Variants in PRDM12 observed in about 807,000 individuals in gnomAD.
PRDM12 encodes the protein PR/SET domain 12.
Under a neutral mutation model 29.6 loss-of-function variants are expected in PRDM12, and 17 were observed. The observed-to-expected ratio is 0.57, with a 90% CI of 0.39 to 0.86. The LOEUF is 0.86. Among genes scored for constraint, PRDM12 ranks in the 40% least tolerant of loss-of-function variants. PRDM12 has a pLI of 0.00. For synonymous variants in PRDM12, 231 were observed against 225.8 expected, an observed-to-expected ratio of 1.02 and a Z score of -0.21; for missense variants, 422 against 510.8, an observed-to-expected ratio of 0.83 and a Z score of 1.68.
At position 130,664,713 on chromosome 9, in the gene PRDM12, G is replaced by A. The variant is rs748692005; in HGVS notation, c.60G>A (p.Pro20=). The A allele has an allele frequency of 5.6e-6, 9 of 1,609,662 alleles. No homozygotes were observed. The African/African-American group carries it at 6.7e-5, about 12-fold the overall frequency. ...ALVLKTGLKA[P]GLALAEVITS... ...TGCTCAAGACCGGGCTGAAGGCGCC[G>A]GGACTGGCGCTGGCCGAGGTTATCA... The change falls in exon 1 of 5, where the codon CCG becomes CCA. Residue 20 remains proline (P), a synonymous_variant. Coordinates refer to ENST00000253008, the MANE Select transcript of PRDM12 (RefSeq NM_021619.3). This position sits in a 1 kb window ranked among gnomAD's most constrained non-coding sequence, Gnocchi z 6.4.
chr9:130,680,659 A>ATATATATTTTTTTTTT, intron 4 of PRDM12, among the ~76,000 whole-genome samples: 6 of 72,172 alleles, frequency 8.3e-5, no homozygotes, highest in African/African-American at 3.1e-4. Context: ...ATATATATAT[A>ATATATATTTTTTTTTT]TTTTTTTTTT....
intron 2 of PRDM12, among the ~76,000 whole-genome samples, chr9:130,667,488 A>T (rs1830744194): frequency 6.6e-6 from 1 of 151,772 alleles, no homozygotes; most frequent in South Asian, 2.1e-4. Flanking sequence ...AGACTGGTGC[A>T]CACCCTTCCT....
intron 1 of PRDM12, among the ~76,000 whole-genome samples, chr9:130,665,342 A>T (rs1830722561): frequency 6.6e-6 from 1 of 152,098 alleles, no homozygotes; most frequent in Admixed American, 6.6e-5. Context: ...GGGGAGAAAA[A>T]GCCGCGGGGA....
intron 1 of PRDM12, among the ~76,000 whole-genome samples, chr9:130,665,754 C>T (rs1830727204): frequency 6.6e-6 from 1 of 152,168 alleles, no homozygotes; most frequent in African/African-American, 2.4e-5. Context: ...CCGCAATGGA[C>T]ACCGTTTAAC....
chr9:130,676,457 C>T (rs1460185531), intron 3 of PRDM12, among the ~76,000 whole-genome samples: 1 of 152,236 alleles, frequency 6.6e-6, no homozygotes, highest in Admixed American at 6.5e-5. Flanking sequence ...GATCGCGCCA[C>T]TGCACTCCAG....
chr9:130,678,849 G>A (rs1247831904), intron 4 of PRDM12, among the ~76,000 whole-genome samples: 2 of 152,130 alleles, frequency 1.3e-5, no homozygotes. Flanking sequence ...GTGGGAGATG[G>A]TCCTCCTGCT....
intron 3 of PRDM12, 54 bp from the exon 4 acceptor site, chr9:130,678,475 C>G: frequency 1.6e-5 from 21 of 1,336,086 alleles, no homozygotes; most frequent in Non-Finnish European, 2.1e-5. Context: ...AGACCCCCAA[C>G]TCTCACCTCC....
chr9:130,679,194 C>CA (rs1190073793), intron 4 of PRDM12, among the ~76,000 whole-genome samples: 1 of 152,188 alleles, frequency 6.6e-6, no homozygotes, highest in South Asian at 2.1e-4. Flanking sequence ...GTCAGGGGGA[C>CA]ACTGCCCATC....
At chr9:130,671,374 G>GACACACACACACACAC (rs56920587) in intron 3 of PRDM12, among the ~76,000 whole-genome samples, 3 of 135,644 alleles carry the variant, frequency 2.2e-5, no homozygotes, top group Non-Finnish European at 4.8e-5. Context: ...AGAGGATCAG[G>GACACACACACACACAC]ACACACACAC....
intron 4 of PRDM12, among the ~76,000 whole-genome samples, chr9:130,680,261 C>T (rs1199611379): frequency 6.6e-6 from 1 of 151,860 alleles, no homozygotes; most frequent in East Asian, 2.0e-4. Context: ...CGCTTGAACC[C>T]GGGAGGTCGA....
intron 4 of PRDM12, among the ~76,000 whole-genome samples, chr9:130,680,753 C>G (rs1473793774): frequency 1.4e-5 from 2 of 147,616 alleles, no homozygotes; most frequent in Non-Finnish European, 3.0e-5. Context: ...ACAGAGTAGG[C>G]ATTCAGTAAA....
chr9:130,677,717 T>A (rs1036110154), intron 3 of PRDM12, among the ~76,000 whole-genome samples: 2 of 152,016 alleles, frequency 1.3e-5, no homozygotes, highest in Non-Finnish European at 2.9e-5. Context: ...TGTCCCGGAG[T>A]GTGTGGCATT....
intron 3 of PRDM12, among the ~76,000 whole-genome samples, chr9:130,674,099 C>T (rs150194029): frequency 0.013 from 1,829 of 140,348 alleles, 43 homozygotes; most frequent in African/African-American, 0.047. Context: ...ACTGCAACCT[C>T]TGCCTCCCAG....
chr9:130,666,569 C>G (rs752786321), intron 1 of PRDM12, 39 bp from the exon 2 acceptor site: 3 of 1,591,048 alleles, frequency 1.9e-6, no homozygotes, highest in Non-Finnish European at 1.7e-6. Flanking sequence ...CCTCGGCTGC[C>G]TCGGGCTCTG....
At chr9:130,676,351 G>A (rs775055194) in intron 3 of PRDM12, among the ~76,000 whole-genome samples, 8 of 152,040 alleles carry the variant, frequency 5.3e-5, no homozygotes, top group South Asian at 4.1e-4. Flanking sequence ...TTAGCCGGGC[G>A]TGGGTGTGGT....
rs975996771 is a variant in PRDM12, at chr9:130,664,690, C to T, written c.37C>T (p.Leu13Phe). 3 of 1,602,714 alleles carry T rather than the reference C, an allele frequency of 1.9e-6. No individual in the cohort carries two copies. Among genetic ancestry groups the T allele is most frequent in the African/African-American group, 1.3e-5 (1 of 74,690 alleles). Residue 13 changes from leucine (L) to phenylalanine (F), a missense_variant, in exon 1 of 5, where the codon CTC becomes TTC. Physicochemically the swap from Leu to Phe is conservative, Grantham distance 22. Around this residue, in one of 5 missense-constraint regions of PRDM12, gnomAD observed 300 missense variants for 350.0 expected, o/e 0.86. Coordinates refer to ENST00000253008, the MANE Select transcript of PRDM12 (RefSeq NM_021619.3). This position sits in a 1 kb window ranked among gnomAD's most constrained non-coding sequence, Gnocchi z 6.4. Reference sequence around the variant, plus strand: ...CGTGCTCCCGGCTGAGGCCCTGGTGCTCAAGACCGGGCTGAAGGCGCCGGG... The same window carrying T: ...CGTGCTCCCGGCTGAGGCCCTGGTGTTCAAGACCGGGCTGAAGGCGCCGGG... ...GSVLPAEALV[L>F]KTGLKAPGLA... is the part of the protein sequence containing the mutation.
intron 3 of PRDM12, among the ~76,000 whole-genome samples, chr9:130,675,437 T>C (rs189941547): frequency 6.6e-6 from 1 of 152,308 alleles, no homozygotes; most frequent in Admixed American, 6.5e-5. Context: ...GTGCTCTTGC[T>C]GGACACTGAA....
intron 3 of PRDM12, among the ~76,000 whole-genome samples, chr9:130,669,467 G>A (rs2132593037): frequency 6.6e-6 from 1 of 152,104 alleles, no homozygotes; most frequent in South Asian, 2.1e-4. Context: ...AGGTTGCAGT[G>A]AGCCGAGATA....
In PRDM12 at chr9:130,668,306, C is replaced by T; in HGVS notation, c.563C>T (p.Ala188Val). 1.9e-6 allele frequency: 3 copies of T among 1,613,640 alleles called. No homozygotes were observed. Among genetic ancestry groups the T allele is most frequent in the East Asian group, 2.2e-5 (1 of 44,874 alleles). The part of the protein sequence containing the change: ...VQIGTSIFYK[A>V]IEMIPPDQEL... Reference sequence around the variant, plus strand: ...ATCGGCACCAGCATCTTCTACAAGGCCATTGAGGTGTGTGTGTGTGTGTGC... The same window carrying T: ...ATCGGCACCAGCATCTTCTACAAGGTCATTGAGGTGTGTGTGTGTGTGTGC... Residue 188 changes from alanine (A) to valine (V), a missense_variant, in exon 3 of 5, where the codon GCC (alanine) becomes GTC (valine). Physicochemically the swap from Ala to Val is moderately conservative, Grantham distance 64 (BLOSUM62 0). Around this residue, in one of 5 missense-constraint regions of PRDM12, gnomAD observed 300 missense variants for 350.0 expected, o/e 0.86. Coordinates refer to ENST00000253008, the MANE Select transcript of PRDM12 (RefSeq NM_021619.3). This position sits in a 1 kb window ranked among gnomAD's most constrained non-coding sequence, Gnocchi z 4.0.
Sources: allele counts gnomAD v4.1 joint callset (sites outside exome capture counted in the v4.1 genomes callset), GRCh38; gene constraint gnomAD v4.1.1; regional missense constraint gnomAD v4.1.1; non-coding constraint Gnocchi (gnomAD v3.1); transcripts MANE v1.5; gene names NCBI Gene and HGNC (gene_info 2026-07-23, HGNC 2026-07-21).